Variants in GLIS3 observed in about 807,000 individuals in gnomAD.
GLIS3 encodes the protein GLIS family zinc finger 3, also known as zinc finger protein GLIS3.
In GLIS3, 53 loss-of-function variants were observed where a neutral mutation model predicts 78.6. The observed-to-expected ratio is 0.67, with a 90% CI of 0.54 to 0.85. The LOEUF (loss-of-function observed/expected upper bound fraction) is 0.85, where lower values mean the gene tolerates loss of function less well. GLIS3 is among the 40% of genes least tolerant of loss of function. The probability of loss-of-function intolerance (pLI) is 0.00; values close to 1 mark genes in which losing one functional copy is unlikely to be tolerated. For synonymous variants in GLIS3, 684 were observed against 509.9 expected (o/e 1.34, Z -4.60); for missense variants, 1,703 against 1,231.1 (o/e 1.38, Z -5.74).
At chr9:4,125,547 G>A (rs566234251) in intron 3 of GLIS3, among the ~76,000 whole-genome samples, 187 bp downstream of exon 3, 3 of 152,178 alleles carry the variant, frequency 2.0e-5, no homozygotes, top group East Asian at 3.9e-4. Context: ...TCCCAATTAA[G>A]ATGATAAGAT....
At chr9:4,268,128 G>C (rs1210942507) in intron 2 of GLIS3, among the ~76,000 whole-genome samples, 1 of 152,140 alleles carries the variant, frequency 6.6e-6, no homozygotes, top group Non-Finnish European at 1.5e-5. Flanking sequence ...GAGCCAAAGT[G>C]GCTGGTTCAA....
At chr9:3,971,637 G>T (rs1286946788) in intron 4 of GLIS3, among the ~76,000 whole-genome samples, 1 of 152,048 alleles carries the variant, frequency 6.6e-6, no homozygotes, top group African/African-American at 2.4e-5. Context: ...ACTAACCCAC[G>T]GTACACACAG....
intron 3 of GLIS3, among the ~76,000 whole-genome samples, chr9:4,309,906 A>G (rs1229897921): frequency 2.0e-5 from 3 of 152,236 alleles, no homozygotes; most frequent in Non-Finnish European, 4.4e-5. Context: ...TTGGCGGCCA[A>G]AAGATTTCTC....
chr9:4,162,629 G>A (rs1041449470), intron 2 of GLIS3, among the ~76,000 whole-genome samples: 3 of 152,166 alleles, frequency 2.0e-5, no homozygotes, highest in Admixed American at 6.5e-5. Flanking sequence ...GGAGGCCGAG[G>A]TGGGCAGATC....
At chr9:4,124,617 T>C (rs987211029) in intron 3 of GLIS3, among the ~76,000 whole-genome samples, 2 of 152,140 alleles carry the variant, frequency 1.3e-5, no homozygotes, top group Non-Finnish European at 2.9e-5. Flanking sequence ...GAAAAACAAG[T>C]TTCTATCTCA....
the GLIS3 span, among the ~76,000 whole-genome samples, chr9:4,486,242 T>C: frequency 2.6e-5 from 4 of 152,156 alleles, no homozygotes; most frequent in Admixed American, 2.6e-4. Context: ...AAGGTCTCTC[T>C]GACTTCCCCT....
intron 4 of GLIS3, among the ~76,000 whole-genome samples, chr9:4,013,969 C>A (rs1822243436): frequency 6.6e-6 from 1 of 152,136 alleles, no homozygotes; most frequent in African/African-American, 2.4e-5. Flanking sequence ...AGGGGAGTGC[C>A]TTTTACTTCT....
At chr9:4,225,190 T>C (rs781666246) in intron 2 of GLIS3, among the ~76,000 whole-genome samples, 2 of 152,130 alleles carry the variant, frequency 1.3e-5, no homozygotes, top group Non-Finnish European at 2.9e-5. Context: ...AGACCAGTTT[T>C]TTTCTTCTAA....
At chr9:4,148,601 T>C (rs1834413314) in intron 2 of GLIS3, among the ~76,000 whole-genome samples, 1 of 151,988 alleles carries the variant, frequency 6.6e-6, no homozygotes, top group African/African-American at 2.4e-5. Flanking sequence ...GGACTGTACC[T>C]AATCCACCTG....
intron 4 of GLIS3, among the ~76,000 whole-genome samples, chr9:4,003,189 G>C (rs960976783): frequency 6.6e-6 from 1 of 152,116 alleles, no homozygotes; most frequent in Admixed American, 6.5e-5. Flanking sequence ...AGACCAGCCT[G>C]GGCAACATAG....
intron 2 of GLIS3, among the ~76,000 whole-genome samples, chr9:4,219,162 C>T (rs1460247422): frequency 6.6e-6 from 1 of 152,234 alleles, no homozygotes; most frequent in Non-Finnish European, 1.5e-5. Context: ...CTGAACCTGA[C>T]ATGCCAGTAG....
At chr9:4,137,084 T>C (rs934740269) in intron 2 of GLIS3, among the ~76,000 whole-genome samples, 5 of 152,162 alleles carry the variant, frequency 3.3e-5, no homozygotes, top group African/African-American at 7.2e-5. Flanking sequence ...ACAGACGGCA[T>C]AGCAGCCACA....
At chr9:4,135,901 G>A (rs1399271657) in intron 2 of GLIS3, among the ~76,000 whole-genome samples, 2 of 152,156 alleles carry the variant, frequency 1.3e-5, no homozygotes, top group Non-Finnish European at 2.9e-5. Context: ...CCCTAGGCTT[G>A]CTATGTAGTG....
intron 4 of GLIS3, among the ~76,000 whole-genome samples, chr9:4,103,267 T>A (rs575729246): frequency 6.6e-6 from 1 of 152,318 alleles, no homozygotes; most frequent in East Asian, 1.9e-4. Flanking sequence ...TTAGGCTTCG[T>A]TGGTCAAGAA....
intron 2 of GLIS3, among the ~76,000 whole-genome samples, chr9:4,180,079 G>A (rs1424403615): frequency 1.3e-5 from 2 of 152,050 alleles, no homozygotes; most frequent in Non-Finnish European, 2.9e-5. Flanking sequence ...CCACCTCTAA[G>A]TTATCAATGG....
At chr9:4,379,244 C>T in the GLIS3 span, among the ~76,000 whole-genome samples, 3 of 152,284 alleles carry the variant, frequency 2.0e-5, no homozygotes, top group Non-Finnish European at 2.9e-5. Flanking sequence ...TAATAAAACC[C>T]CATGTCTCAT....
the GLIS3 span, among the ~76,000 whole-genome samples, chr9:4,469,572 T>C: frequency 6.6e-6 from 1 of 152,206 alleles, no homozygotes; most frequent in African/African-American, 2.4e-5. Context: ...GAAATAAAGA[T>C]GTTCTTTGAA....
In GLIS3 at chr9:4,315,342, G is replaced by A. The variant is rs575186113; in HGVS notation, n.265-4814C>T. ...GAAGCCTGAGACTGAATGGTTTGCC[G>A]GGAGACTCTGGGGTCCTTATTGTTA... On this transcript the variant is annotated intron_variant and non_coding_transcript_variant, in intron 2 of 4. Transcript: ENST00000471664. 1.4e-4 allele frequency among the ~76,000 whole-genome samples: 21 copies of A among 152,250 alleles called. 1 individual carries two copies. Among genetic ancestry groups the A allele is most frequent in the African/African-American group, 4.1e-4 (17 of 41,540 alleles).
At chr9:3,838,818 G>A (rs148165741) in intron 9 of GLIS3, among the ~76,000 whole-genome samples, 14 of 152,220 alleles carry the variant, frequency 9.2e-5, no homozygotes, top group African/African-American at 2.9e-4. Flanking sequence ...TCCAACACTC[G>A]GGATATTTGT....
Sources: allele counts gnomAD v4.1 joint callset (sites outside exome capture counted in the v4.1 genomes callset), GRCh38; gene constraint gnomAD v4.1.1; transcripts MANE v1.5; gene names NCBI Gene and HGNC (gene_info 2026-07-23, HGNC 2026-07-21).